Variants in GABBR2 observed in about 807,000 individuals in gnomAD.
GABBR2 encodes gamma-aminobutyric acid type B receptor subunit 2, also known as G-protein coupled receptor 51.
In GABBR2, 23 loss-of-function variants were observed where a neutral mutation model predicts 105.6. The ratio of observed to expected loss-of-function variants is 0.22; its 90% CI spans 0.16 to 0.31. The LOEUF is 0.31. Among genes scored for constraint, GABBR2 ranks in the 10% least tolerant of loss-of-function variants. The probability of loss-of-function intolerance (pLI) is 1.00; values close to 1 mark genes in which losing one functional copy is unlikely to be tolerated. For missense variants in GABBR2, 734 were observed against 1,245.5 expected (o/e 0.59, Z 6.18); for synonymous variants, 478 against 499.7 (o/e 0.96, Z 0.58).
intron 7 of GABBR2, among the ~76,000 whole-genome samples, chr9:98,417,373 T>C (rs1832707738): frequency 6.6e-6 from 1 of 152,042 alleles, no homozygotes; most frequent in Non-Finnish European, 1.5e-5. Context: ...TGATCACAGG[T>C]TGGGAGATCA....
At chr9:98,677,183 T>C (rs1830487815) in intron 1 of GABBR2, among the ~76,000 whole-genome samples, 1 of 152,226 alleles carries the variant, frequency 6.6e-6, no homozygotes, top group Non-Finnish European at 1.5e-5. Flanking sequence ...AGTCTTACCA[T>C]CTGCAGCAGT....
At chr9:98,682,866 TTGA>T (rs1830567306) in intron 1 of GABBR2, among the ~76,000 whole-genome samples, 1 of 141,988 alleles carries the variant, frequency 7.0e-6, no homozygotes. Flanking sequence ...AACTGCCCAA[TTGA>T]CAGAGCTTTT....
chr9:98,668,838 T>C (rs1046245466), intron 1 of GABBR2, among the ~76,000 whole-genome samples: 6 of 152,188 alleles, frequency 3.9e-5, no homozygotes, highest in Admixed American at 3.9e-4. Flanking sequence ...TGTTGTAGCA[T>C]ATGTCTGAAT....
intron 1 of GABBR2, among the ~76,000 whole-genome samples, chr9:98,628,532 C>G (rs1829776533): frequency 6.6e-6 from 1 of 152,152 alleles, no homozygotes; most frequent in Non-Finnish European, 1.5e-5. Context: ...ATGGAAACAC[C>G]TTTTTCTTTC....
chr9:98,458,566 G>A (rs61682188), intron 6 of GABBR2, among the ~76,000 whole-genome samples: 1,763 of 152,232 alleles, frequency 0.012, 29 homozygotes, highest in African/African-American at 0.041. Flanking sequence ...TTAGCTGCGC[G>A]TGGTGGCAGG....
chr9:98,510,996 T>C (rs930342236), intron 3 of GABBR2, among the ~76,000 whole-genome samples: 5 of 152,190 alleles, frequency 3.3e-5, no homozygotes, highest in South Asian at 2.1e-4. Flanking sequence ...ATTGACCACA[T>C]AGTTGGAAGT....
chr9:98,334,346 T>A (rs770150054), intron 13 of GABBR2, among the ~76,000 whole-genome samples: 12 of 152,198 alleles, frequency 7.9e-5, no homozygotes, highest in Non-Finnish European at 1.6e-4. Context: ...GAAGTGTGAA[T>A]GGATCAATCC....
At chr9:98,533,830 A>C (rs1370020744) in intron 3 of GABBR2, among the ~76,000 whole-genome samples, 1 of 152,198 alleles carries the variant, frequency 6.6e-6, no homozygotes, top group Non-Finnish European at 1.5e-5. Flanking sequence ...GTGTGGCTGG[A>C]CCAAAGGGGC....
At chr9:98,324,706 G>A (rs1830890500) in intron 13 of GABBR2, among the ~76,000 whole-genome samples, 2 of 152,184 alleles carry the variant, frequency 1.3e-5, no homozygotes, top group Non-Finnish European at 2.9e-5. Flanking sequence ...GGATACCTGG[G>A]TAGCAGCAGG....
intron 7 of GABBR2, among the ~76,000 whole-genome samples, chr9:98,446,000 A>C (rs1247471708): frequency 5.3e-5 from 8 of 152,234 alleles, no homozygotes; most frequent in Non-Finnish European, 1.5e-5. Context: ...TTCCACATTA[A>C]GGTAACTTTC....
At chr9:98,501,492 C>G (rs1051227292) in intron 3 of GABBR2, among the ~76,000 whole-genome samples, 1 of 152,148 alleles carries the variant, frequency 6.6e-6, no homozygotes, top group African/African-American at 2.4e-5. Context: ...CATATCACAT[C>G]TAGAATGAAG....
At chr9:98,423,414 G>C (rs1832819337) in intron 7 of GABBR2, among the ~76,000 whole-genome samples, 1 of 152,176 alleles carries the variant, frequency 6.6e-6, no homozygotes, top group South Asian at 2.1e-4. Flanking sequence ...CTTCTTTTGA[G>C]AAGTGTCTGT....
chr9:98,704,292 A>G (rs1333079060), intron 1 of GABBR2, among the ~76,000 whole-genome samples: 2 of 152,192 alleles, frequency 1.3e-5, no homozygotes, highest in South Asian at 2.1e-4. Flanking sequence ...CATGCTCAAC[A>G]ATCACTGGGA....
At chr9:98,513,004 T>A (rs1350963889) in intron 3 of GABBR2, among the ~76,000 whole-genome samples, 2 of 151,802 alleles carry the variant, frequency 1.3e-5, no homozygotes, top group Non-Finnish European at 2.9e-5. Flanking sequence ...GACTTCAAAC[T>A]ATACTACAAG....
chr9:98,433,141 G>A lies in GABBR2; in HGVS notation c.1236+20840C>T, dbSNP rs1171156954. On this transcript the variant is annotated intron_variant, in intron 7 of 18. Transcript: ENST00000259455. ...TGATGGAATTACTAGATTGGAGGATGAACAGGGAATTTTGTGTACGCTGTG... is the reference window on the plus strand; with the variant it reads ...TGATGGAATTACTAGATTGGAGGATAAACAGGGAATTTTGTGTACGCTGTG... Among the ~76,000 whole-genome samples the A allele has an allele frequency of 3.9e-5, 6 of 152,228 alleles. No individual in the cohort carries two copies. The East Asian group carries it at 1.2e-3, about 29-fold the overall frequency.
At chr9:98,513,372 A>C (rs1827690968) in intron 3 of GABBR2, among the ~76,000 whole-genome samples, 1 of 152,230 alleles carries the variant, frequency 6.6e-6, no homozygotes, top group African/African-American at 2.4e-5. Context: ...TAAAACACCA[A>C]AAGCAATGGC....
At chr9:98,673,197 G>A (rs962075566) in intron 1 of GABBR2, among the ~76,000 whole-genome samples, 5 of 152,198 alleles carry the variant, frequency 3.3e-5, no homozygotes, top group East Asian at 1.9e-4. Flanking sequence ...CAGGGAAGAT[G>A]TGCATCTTAG....
At chr9:98,349,041 A>T (rs1831346670) in intron 13 of GABBR2, among the ~76,000 whole-genome samples, 1 of 152,162 alleles carries the variant, frequency 6.6e-6, no homozygotes, top group Admixed American at 6.5e-5. Flanking sequence ...TTCTCCATTC[A>T]GTATGATATT....
intron 7 of GABBR2, among the ~76,000 whole-genome samples, chr9:98,410,756 G>A (rs915015910): frequency 1.3e-5 from 2 of 151,956 alleles, no homozygotes; most frequent in African/African-American, 4.8e-5. Context: ...CTGCTCTGTG[G>A]TCATTTTTAT....
Sources: gnomAD v4.1 joint callset for allele counts (sites outside exome capture counted in the v4.1 genomes callset) on GRCh38, gnomAD v4.1.1 for gene constraint, MANE v1.5 for transcripts, NCBI Gene and HGNC (gene_info 2026-07-23, HGNC 2026-07-21) for gene names.